Variants in OSBPL10 observed in about 807,000 individuals in gnomAD.
OSBPL10 encodes the protein oxysterol-binding protein-related protein 10.
In OSBPL10, 49 loss-of-function variants were observed where a neutral mutation model predicts 81.7. That is an observed-to-expected ratio of 0.60 (90% CI 0.48 to 0.76). The LOEUF is 0.76. Among genes scored for constraint, OSBPL10 ranks in the 30% least tolerant of loss-of-function variants. OSBPL10 has a pLI of 0.00. For synonymous variants in OSBPL10, 419 were observed against 383.6 expected (o/e 1.09, Z -1.08); for missense variants, 923 against 987.8 (o/e 0.93, Z 0.88).
intron 4 of OSBPL10, among the ~76,000 whole-genome samples, chr3:31,811,054 T>C (rs1172604328): frequency 6.6e-6 from 1 of 152,112 alleles, no homozygotes; most frequent in African/African-American, 2.4e-5. Flanking sequence ...TGAGCCCTCA[T>C]GTACTCACTG....
At chr3:31,936,389 A>G (rs1697380709) in intron 1 of OSBPL10, among the ~76,000 whole-genome samples, 1 of 152,218 alleles carries the variant, frequency 6.6e-6, no homozygotes, top group Admixed American at 6.5e-5. Flanking sequence ...TAAATGCTGT[A>G]ACAAACAGAC....
At position 31,976,905 on chromosome 3, in the gene OSBPL10, T is replaced by A. The variant is rs186939995; in HGVS notation, c.281+3994A>T. 8.5e-4 allele frequency among the ~76,000 whole-genome samples: 130 copies of A among 152,340 alleles called. 1 individual carries two copies. The highest frequency in any genetic ancestry group is 9.8e-4 in the Admixed American group (15 of 15,302). On this transcript the variant is annotated intron_variant, in intron 1 of 11. Transcript: ENST00000396556. ...CCAAATAAGAAAAAGTGAATGGCAA[T>A]GGCAACCCTTAGATATTTAAATAAC...
intron 4 of OSBPL10, among the ~76,000 whole-genome samples, chr3:31,774,478 G>T (rs1698489219): frequency 6.6e-6 from 1 of 151,820 alleles, no homozygotes; most frequent in Non-Finnish European, 1.5e-5. Flanking sequence ...GGAAGAGATT[G>T]TTGGAAGTCC....
chr3:31,762,630 A>ATTTTTTTTTTTTTGTTTTTTTT (rs1698081606), intron 4 of OSBPL10, among the ~76,000 whole-genome samples: 1 of 61,514 alleles, frequency 1.6e-5, no homozygotes, highest in Non-Finnish European at 2.7e-5. Flanking sequence ...CATGCCCAGC[A>ATTTTTTTTTTTTTGTTTTTTTT]TTTTTTTTTT....
intron 2 of OSBPL10, among the ~76,000 whole-genome samples, chr3:32,044,999 T>A (rs578251530): frequency 6.5e-4 from 99 of 152,340 alleles, no homozygotes; most frequent in African/African-American, 2.3e-3. Flanking sequence ...AAAAATCAAT[T>A]GTGTCTTCCT....
At chr3:31,728,940 A>G (rs1175812756) in intron 6 of OSBPL10, among the ~76,000 whole-genome samples, 4 of 152,174 alleles carry the variant, frequency 2.6e-5, no homozygotes, top group Non-Finnish European at 5.9e-5. Flanking sequence ...TCCAAGGAGC[A>G]TTTCCTTTGA....
chr3:32,049,493 A>G (rs1484394109), intron 1 of OSBPL10, among the ~76,000 whole-genome samples: 1 of 152,130 alleles, frequency 6.6e-6, no homozygotes, highest in Non-Finnish European at 1.5e-5. Flanking sequence ...AGAGGGTTAA[A>G]GGCTCCTCTT....
intron 3 of OSBPL10, among the ~76,000 whole-genome samples, chr3:31,838,842 T>TAAACAA (rs1700427018): frequency 2.6e-5 from 4 of 152,208 alleles, no homozygotes; most frequent in African/African-American, 9.6e-5. Context: ...GTTTATATGG[T>TAAACAA]TTTTAATTAA....
chr3:31,775,859 C>T (rs1698533854), intron 4 of OSBPL10, among the ~76,000 whole-genome samples: 2 of 152,060 alleles, frequency 1.3e-5, no homozygotes, highest in South Asian at 4.1e-4. Context: ...TGGGAGAGAA[C>T]CAGGTTCCAG....
intron 1 of OSBPL10, among the ~76,000 whole-genome samples, chr3:32,073,682 A>T (rs536891143): frequency 3.3e-4 from 50 of 152,184 alleles, no homozygotes; most frequent in African/African-American, 1.2e-3. Context: ...CACCCCAAAA[A>T]ACTTGTCATC....
rs1700728359 is a variant in OSBPL10, at chr3:31,684,015, C to G, written c.1345G>C (p.Ala449Pro). 1 of 1,614,090 alleles carries G rather than the reference C, an allele frequency of 6.2e-7. No homozygotes were observed. Among genetic ancestry groups the G allele is most frequent in the Admixed American group, 1.7e-5 (1 of 60,006 alleles). The change falls in exon 8 of 12, where the codon GCC becomes CCC. Residue 449 changes from alanine to proline, a missense_variant. Coordinates refer to ENST00000396556, the MANE Select transcript of OSBPL10 (RefSeq NM_017784.5). The stretch of plus-strand genomic sequence containing the variant: ...CAAATGACTCTCTCCTCTGGTGTGG[C>G]CCCAGCGGTGATGGCCAGCAGTAGG... ...PDLLLAITAG[A>P]TPEERVICFV...
intron 3 of OSBPL10, among the ~76,000 whole-genome samples, chr3:31,833,693 GCACACGCACACGCA>G (rs542165177): frequency 0.026 from 3,407 of 132,852 alleles, 131 homozygotes; most frequent in African/African-American, 0.099. Flanking sequence ...GGGAAAACAC[GCACACGCACACGCA>G]CACACACACA....
chr3:31,677,168 G>A (rs768461795), intron 8 of OSBPL10, among the ~76,000 whole-genome samples: 3 of 152,140 alleles, frequency 2.0e-5, no homozygotes, highest in Non-Finnish European at 4.4e-5. Flanking sequence ...GGAAATATGC[G>A]AGGGAAGGGA....
At chr3:32,044,878 A>C (rs1671384094) in intron 2 of OSBPL10, among the ~76,000 whole-genome samples, 1 of 152,190 alleles carries the variant, frequency 6.6e-6, no homozygotes, top group South Asian at 2.1e-4. Flanking sequence ...CCTTATTTGA[A>C]ATAGTAATTC....
intron 3 of OSBPL10, among the ~76,000 whole-genome samples, chr3:31,837,180 G>A (rs1314446786): frequency 2.0e-5 from 3 of 151,938 alleles, no homozygotes; most frequent in Middle Eastern, 3.4e-3. Flanking sequence ...ATAGAAAGGA[G>A]GAAAGCTGAT....
At chr3:31,835,468 G>T (rs1700340469) in intron 3 of OSBPL10, among the ~76,000 whole-genome samples, 2 of 152,148 alleles carry the variant, frequency 1.3e-5, no homozygotes, top group African/African-American at 2.4e-5. Context: ...GGGGGTTTAA[G>T]ATTTCAAATA....
chr3:32,020,737 G>A (rs2125545008), intron 2 of OSBPL10, among the ~76,000 whole-genome samples: 1 of 152,208 alleles, frequency 6.6e-6, no homozygotes, highest in Non-Finnish European at 1.5e-5. Context: ...AGAAGACCTG[G>A]GATTTTATAG....
chr3:31,853,225 A>G (rs1369499750), intron 3 of OSBPL10, among the ~76,000 whole-genome samples: 1 of 152,200 alleles, frequency 6.6e-6, no homozygotes, highest in East Asian at 1.9e-4. Flanking sequence ...GACCTGGCCT[A>G]AAGAGGATTC....
In OSBPL10 at chr3:31,733,037, A is replaced by T. The variant is rs917912344; in HGVS notation, c.1095+220T>A. 6.6e-5 allele frequency: 39 copies of T among 594,942 alleles called. No individual in the cohort carries two copies. The South Asian group carries it at 8.4e-4, about 13-fold the overall frequency. The allele number at this position is 594,942 out of a possible 1,614,324, so 36.9% of individuals were successfully genotyped here. On this transcript the variant is annotated intron_variant, in intron 6 of 11. Coordinates refer to ENST00000396556, the MANE Select transcript of OSBPL10 (RefSeq NM_017784.5). ...TTTCAATGAAAATAGGAGATTCCTCATTCGTAGGATCACAATTCACCCACA... is the reference window on the plus strand; with the variant it reads ...TTTCAATGAAAATAGGAGATTCCTCTTTCGTAGGATCACAATTCACCCACA...
Sources: allele counts gnomAD v4.1 joint callset (sites outside exome capture counted in the v4.1 genomes callset), GRCh38; gene constraint gnomAD v4.1.1; transcripts MANE v1.5; gene names NCBI Gene and HGNC (gene_info 2026-07-23, HGNC 2026-07-21).